The following DOK6 variants were observed in gnomAD, a reference collection of about 807,000 sequenced individuals.
DOK6 encodes downstream of tyrosine kinase 6.
In DOK6, 22 loss-of-function variants were observed where a neutral mutation model predicts 44.0. That is an observed-to-expected ratio of 0.50 (90% CI 0.36 to 0.71). The LOEUF is 0.71. DOK6 is among the 30% of genes least tolerant of loss of function. The pLI is 0.00. For synonymous variants in DOK6, 166 were observed against 145.5 expected, an observed-to-expected ratio of 1.14 and a Z score of -1.01; for missense variants, 340 against 416.4, an observed-to-expected ratio of 0.82 and a Z score of 1.60.
At chr18:69,556,871 CT>C (rs1482836796) in intron 1 of DOK6, among the ~76,000 whole-genome samples, 2 of 152,200 alleles carry the variant, frequency 1.3e-5, no homozygotes, top group Non-Finnish European at 2.9e-5. Flanking sequence ...GCACTGACTA[CT>C]TTTTTACACA....
intron 1 of DOK6, among the ~76,000 whole-genome samples, chr18:69,446,095 T>C (rs565709135): frequency 9.2e-5 from 14 of 152,082 alleles, no homozygotes; most frequent in South Asian, 4.1e-4. Flanking sequence ...CTAGGGTACA[T>C]GTGCACAACG....
intron 4 of DOK6, among the ~76,000 whole-genome samples, chr18:69,688,305 A>T (rs564504558): frequency 2.6e-5 from 4 of 152,336 alleles, no homozygotes; most frequent in Non-Finnish European, 5.9e-5. Context: ...TAAACCAGAC[A>T]TGTTTCTTTC....
At chr18:69,740,434 G>A (rs1978763093) in intron 6 of DOK6, among the ~76,000 whole-genome samples, 1 of 152,110 alleles carries the variant, frequency 6.6e-6, no homozygotes, top group Non-Finnish European at 1.5e-5. Context: ...GATTTACCAT[G>A]GGGCTAACCA....
At chr18:69,632,169 T>A (rs1984704767) in intron 3 of DOK6, among the ~76,000 whole-genome samples, 1 of 152,182 alleles carries the variant, frequency 6.6e-6, no homozygotes, top group African/African-American at 2.4e-5. Flanking sequence ...ACTTTATCAC[T>A]AACAAACCAG....
At chr18:69,698,376 A>G (rs1353714921) in intron 4 of DOK6, 28 bp from the exon 5 acceptor site, 2 of 1,579,940 alleles carry the variant, frequency 1.3e-6, no homozygotes, top group Non-Finnish European at 1.7e-6. Context: ...TTTTCACTTA[A>G]CCTTCTCCAT....
chr18:69,705,008 C>T (rs1986603510), intron 5 of DOK6: 1 of 152,168 alleles, frequency 6.6e-6, no homozygotes, highest in African/African-American at 2.4e-5. Context: ...CCAGAATTAA[C>T]AAGGATATGT....
chr18:69,619,498 C>T (rs1599225551), intron 3 of DOK6, among the ~76,000 whole-genome samples: 1 of 152,208 alleles, frequency 6.6e-6, no homozygotes, highest in African/African-American at 2.4e-5. Context: ...TTCGGCACTA[C>T]ATGCCTCTTG....
intron 1 of DOK6, among the ~76,000 whole-genome samples, chr18:69,510,885 C>G (rs1194316716): frequency 6.6e-6 from 1 of 151,894 alleles, no homozygotes; most frequent in East Asian, 1.9e-4. Context: ...TCCCCTTTTT[C>G]TTTCTTTTTG....
rs562956945 is a variant in DOK6, at chr18:69,505,030, CTGTT to C, written c.67-59453_67-59450del. Among the ~76,000 whole-genome samples the C allele has an allele frequency of 1.2e-4, 18 of 152,312 alleles. No individual in the cohort carries two copies. The South Asian group carries it at 3.7e-3, about 32-fold the overall frequency. On this transcript the variant is annotated intron_variant, in intron 1 of 7. Transcript: ENST00000382713. ...TTTATGATTGCATTTATCCATATAA[CTGTT>C]TGTAACTTGTGACTTCCTACTCCAC...
intron 1 of DOK6, among the ~76,000 whole-genome samples, chr18:69,503,699 T>A (rs1388367081): frequency 6.6e-6 from 1 of 152,026 alleles, no homozygotes; most frequent in African/African-American, 2.4e-5. Flanking sequence ...CTCATCCTGA[T>A]ATAAACTTAA....
chr18:69,764,983 G>T (rs1331169259), intron 7 of DOK6, among the ~76,000 whole-genome samples: 2 of 152,120 alleles, frequency 1.3e-5, no homozygotes, highest in East Asian at 3.9e-4. Flanking sequence ...TCACGGAAAG[G>T]GTGTCTGTGG....
At chr18:69,475,249 C>G (rs759801999) in intron 1 of DOK6, among the ~76,000 whole-genome samples, 2 of 152,024 alleles carry the variant, frequency 1.3e-5, no homozygotes, top group Non-Finnish European at 2.9e-5. Context: ...CTTACTTTCA[C>G]AGAGTAAAGT....
chr18:69,714,204 G>C (rs1391135410), intron 5 of DOK6, among the ~76,000 whole-genome samples: 2 of 152,188 alleles, frequency 1.3e-5, no homozygotes, highest in Non-Finnish European at 2.9e-5. Context: ...TACAGCTTCT[G>C]GATTTAGGAG....
At chr18:69,497,633 C>T (rs1980929440) in intron 1 of DOK6, among the ~76,000 whole-genome samples, 1 of 152,184 alleles carries the variant, frequency 6.6e-6, no homozygotes, top group Admixed American at 6.5e-5. Flanking sequence ...ATGGGCCTAA[C>T]ACCTATTGGA....
intron 1 of DOK6, among the ~76,000 whole-genome samples, chr18:69,487,089 T>G (rs17081060): frequency 0.55 from 83,246 of 151,626 alleles, 23,288 homozygotes; most frequent in East Asian, 0.71. Flanking sequence ...GGAGAGTGAA[T>G]GGAAGATGCA....
chr18:69,716,434 G>A (rs757832751), intron 5 of DOK6, among the ~76,000 whole-genome samples: 6 of 152,104 alleles, frequency 3.9e-5, no homozygotes, highest in Admixed American at 1.3e-4. Context: ...GTTCTAATAC[G>A]AGTGTTTCAA....
chr18:69,516,579 A>G (rs887089891), intron 1 of DOK6, among the ~76,000 whole-genome samples: 3 of 152,196 alleles, frequency 2.0e-5, no homozygotes, highest in Non-Finnish European at 4.4e-5. Context: ...AGAGATTTGT[A>G]TATTGACTTT....
intron 2 of DOK6, among the ~76,000 whole-genome samples, chr18:69,568,868 T>C (rs2144601502): frequency 6.7e-6 from 1 of 150,348 alleles, no homozygotes; most frequent in South Asian, 2.1e-4. Context: ...TCTGTCACTG[T>C]CTCCCATCAC....
At chr18:69,759,334 C>G (rs1417323367) in intron 7 of DOK6, among the ~76,000 whole-genome samples, 1 of 151,976 alleles carries the variant, frequency 6.6e-6, no homozygotes, top group African/African-American at 2.4e-5. Context: ...TGAAAGTATG[C>G]TTGTAATATA....
Sources: gnomAD v4.1 joint callset for allele counts (sites outside exome capture counted in the v4.1 genomes callset) on GRCh38, gnomAD v4.1.1 for gene constraint, MANE v1.5 for transcripts, NCBI Gene and HGNC (gene_info 2026-07-23, HGNC 2026-07-21) for gene names.